Variants in CCDC178 observed in about 807,000 individuals in gnomAD.
The protein encoded by CCDC178 is coiled-coil domain containing 178.
Under a neutral mutation model 117.4 loss-of-function variants are expected in CCDC178, and 126 were observed. The ratio of observed to expected loss-of-function variants is 1.07; its 90% confidence interval spans 0.93 to 1.24. The LOEUF (loss-of-function observed/expected upper bound fraction) is 1.24, where lower values mean the gene tolerates loss of function less well. Among genes scored for constraint, CCDC178 ranks in the 50% most tolerant of loss-of-function variants. The probability of loss-of-function intolerance (pLI) is 0.00; values close to 1 mark genes in which losing one functional copy is unlikely to be tolerated. For missense variants in CCDC178, 1,030 were observed against 986.9 expected (o/e 1.04, Z -0.59); for synonymous variants, 283 against 313.4 (o/e 0.90, Z 1.02).
In CCDC178 at chr18:33,220,941, A is replaced by C. The variant is rs1348020803; in HGVS notation, c.1932+2165T>G. Reference sequence around the variant, plus strand: ...CACTACCAAGGATACTCTCTTAAGTATACTTGAATGTATTTAAGCATTTGC... The same window carrying C: ...CACTACCAAGGATACTCTCTTAAGTCTACTTGAATGTATTTAAGCATTTGC... On this transcript the variant is annotated intron_variant, in intron 18 of 22. Transcript: ENST00000383096. Among the ~76,000 whole-genome samples the C allele has an allele frequency of 2.0e-5, 3 of 152,088 alleles. No individual in the cohort carries two copies. In the East Asian group the frequency reaches 5.8e-4, roughly 29 times the overall value.
At chr18:33,333,584 T>C (rs189305258) in intron 9 of CCDC178, among the ~76,000 whole-genome samples, 190 bp from the exon 10 acceptor site, 1 of 149,252 alleles carries the variant, frequency 6.7e-6, no homozygotes, top group Non-Finnish European at 1.5e-5. Flanking sequence ...GGCACGATCT[T>C]GGCTTACTGC....
chr18:33,250,440 A>AGT (rs1217996944), intron 14 of CCDC178, among the ~76,000 whole-genome samples: 1 of 25,404 alleles, frequency 3.9e-5, no homozygotes, highest in African/African-American at 8.3e-5. Context: ...CTGCCTAAAA[A>AGT]ATAGACTGGG....
intron 14 of CCDC178, among the ~76,000 whole-genome samples, chr18:33,256,431 G>T (rs9949506): frequency 0.067 from 10,244 of 152,000 alleles, 513 homozygotes; most frequent in African/African-American, 0.14. Context: ...TTATCCCTTG[G>T]TATCTAAAGA....
intron 21 of CCDC178, among the ~76,000 whole-genome samples, chr18:33,008,840 A>G (rs1275463916): frequency 6.6e-6 from 1 of 152,128 alleles, no homozygotes; most frequent in Non-Finnish European, 1.5e-5. Context: ...GCAAATTAGT[A>G]TCTCCAGTAA....
chr18:33,429,026 G>GAAA (rs11381656), intron 2 of CCDC178, among the ~76,000 whole-genome samples: 5 of 145,030 alleles, frequency 3.4e-5, no homozygotes, highest in Non-Finnish European at 3.0e-5. Context: ...AGTTTAAAAG[G>GAAA]AAAAAAAAAA....
chr18:32,967,094 AT>A, intron 22 of CCDC178, among the ~76,000 whole-genome samples: 1 of 151,732 alleles, frequency 6.6e-6, no homozygotes, highest in African/African-American at 2.4e-5. Flanking sequence ...GTATATTGTT[AT>A]TGTTAGCAAA....
intron 22 of CCDC178, among the ~76,000 whole-genome samples, chr18:32,943,532 A>AT (rs2054284132): frequency 1.3e-5 from 2 of 151,914 alleles, no homozygotes; most frequent in Admixed American, 6.6e-5. Context: ...TTAATACTTC[A>AT]TTTTTTCTAT....
At chr18:33,027,174 T>C (rs967573104) in intron 21 of CCDC178, among the ~76,000 whole-genome samples, 4 of 151,598 alleles carry the variant, frequency 2.6e-5, no homozygotes, top group South Asian at 2.1e-4. Context: ...ATTTTGACTA[T>C]AAAAAGCCAA....
intron 3 of CCDC178, among the ~76,000 whole-genome samples, chr18:33,399,092 C>T (rs544235814): frequency 6.6e-5 from 10 of 151,822 alleles, no homozygotes; most frequent in African/African-American, 1.5e-4. Context: ...CCCAGCTACA[C>T]GGGAGGCTGA....
At chr18:32,984,784 C>T (rs1437650253) in intron 21 of CCDC178, among the ~76,000 whole-genome samples, 2 of 151,988 alleles carry the variant, frequency 1.3e-5, no homozygotes, top group African/African-American at 4.8e-5. Flanking sequence ...GATAGAATTA[C>T]ATGACAGCTA....
chr18:33,015,514 G>A (rs1403515612), intron 21 of CCDC178, among the ~76,000 whole-genome samples: 10 of 151,826 alleles, frequency 6.6e-5, no homozygotes, highest in African/African-American at 1.5e-4. Flanking sequence ...GCAGTGAGCC[G>A]AGATCGCACC....
At chr18:33,260,705 A>G (rs1237457878) in intron 14 of CCDC178, among the ~76,000 whole-genome samples, 3 of 151,946 alleles carry the variant, frequency 2.0e-5, no homozygotes, top group African/African-American at 4.8e-5. Context: ...AGAATTTTGT[A>G]TTGTTCAAAC....
At chr18:33,397,119 T>C (rs371570171) in intron 4 of CCDC178, 30 bp downstream of exon 4, 41 of 1,412,668 alleles carry the variant, frequency 2.9e-5, no homozygotes, top group Non-Finnish European at 3.7e-5. Context: ...AAAAAAGAGA[T>C]GAAAATTATA....
chr18:33,195,128 AGAG>A (rs147968615), intron 20 of CCDC178, among the ~76,000 whole-genome samples: 23,490 of 148,336 alleles, frequency 0.16, 2,555 homozygotes, highest in African/African-American at 0.32. Flanking sequence ...TAAAAAAAAA[AGAG>A]AGAGAGAGAG....
intron 21 of CCDC178, among the ~76,000 whole-genome samples, chr18:33,064,213 T>C (rs377306709): frequency 6.6e-6 from 1 of 152,182 alleles, no homozygotes; most frequent in South Asian, 2.1e-4. Flanking sequence ...AAAGGAAATC[T>C]ATGAAGTGCC....
At chr18:33,279,739 G>A (rs1177177783) in intron 12 of CCDC178, among the ~76,000 whole-genome samples, 1 of 152,100 alleles carries the variant, frequency 6.6e-6, no homozygotes, top group Non-Finnish European at 1.5e-5. Context: ...GCATGGTACT[G>A]GTACCAAAAC....
intron 21 of CCDC178, among the ~76,000 whole-genome samples, chr18:33,089,962 A>G (rs1451019868): frequency 6.6e-6 from 1 of 152,314 alleles, no homozygotes; most frequent in East Asian, 1.9e-4. Flanking sequence ...ATCATTACCC[A>G]TGAACAGGGC....
chr18:33,141,107 C>G (rs2058198299), intron 20 of CCDC178, among the ~76,000 whole-genome samples: 1 of 152,152 alleles, frequency 6.6e-6, no homozygotes. Context: ...TCCCCAGCCA[C>G]GTGGAACTGT....
chr18:33,376,605 T>A (rs2063369434), intron 5 of CCDC178, among the ~76,000 whole-genome samples: 1 of 152,088 alleles, frequency 6.6e-6, no homozygotes, highest in Non-Finnish European at 1.5e-5. Flanking sequence ...CCCCTCCCTC[T>A]CTCCTCCCTA....
Sources: allele counts gnomAD v4.1 joint callset (sites outside exome capture counted in the v4.1 genomes callset), GRCh38; gene constraint gnomAD v4.1.1; transcripts MANE v1.5; gene names NCBI Gene and HGNC (gene_info 2026-07-23, HGNC 2026-07-21).